The following STXBP5L variants were observed in gnomAD, a reference collection of about 807,000 sequenced individuals.
STXBP5L encodes the protein syntaxin binding protein 5L.
Under a neutral mutation model 144.5 loss-of-function variants are expected in STXBP5L, and 65 were observed. That is an observed-to-expected ratio of 0.45 (90% CI 0.37 to 0.55). The LOEUF (loss-of-function observed/expected upper bound fraction) is 0.55. Among genes scored for constraint, STXBP5L ranks in the 20% least tolerant of loss-of-function variants. The pLI is 0.00. For missense variants in STXBP5L, 1,298 were observed against 1,405.5 expected (o/e 0.92, Z 1.22); for synonymous variants, 505 against 469.6 (o/e 1.08, Z -0.97).
intron 5 of STXBP5L, among the ~76,000 whole-genome samples, chr3:121,051,785 TAATG>T: frequency 6.6e-6 from 1 of 151,846 alleles, no homozygotes; most frequent in African/African-American, 2.4e-5. Flanking sequence ...TTCAAAAAAT[TAATG>T]AAGCCAGGAG....
chr3:121,422,914 G>C lies in STXBP5L; in HGVS notation c.*3817G>C, dbSNP rs1469796579. ...CATGAAGGGATCACCATGACTTTGA[G>C]AGAAAAAAGAATCAGATTAGGCCTA... On this transcript the variant is annotated 3_prime_UTR_variant, in exon 27 of 27. Transcript: ENST00000471454. 1.3e-5 allele frequency: 2 copies of C among 151,918 alleles called. No individual in the cohort carries two copies. The highest frequency in any genetic ancestry group is 2.9e-5 in the Non-Finnish European group (2 of 67,974). The allele number at this position is 151,918 out of a possible 1,614,324, so 9.4% of individuals were successfully genotyped here.
chr3:120,949,316 T>C (rs538133729), intron 2 of STXBP5L, among the ~76,000 whole-genome samples: 1 of 152,154 alleles, frequency 6.6e-6, no homozygotes, highest in African/African-American at 2.4e-5. Context: ...TGGATATTAG[T>C]TGTTTCTCAG....
At chr3:121,065,309 A>G (rs999701167) in intron 5 of STXBP5L, among the ~76,000 whole-genome samples, 10 of 152,170 alleles carry the variant, frequency 6.6e-5, no homozygotes, top group African/African-American at 2.4e-4. Flanking sequence ...TCTTTGAGAA[A>G]TATTTGATAT....
intron 7 of STXBP5L, among the ~76,000 whole-genome samples, chr3:121,131,473 A>T (rs944601891): frequency 5.3e-5 from 8 of 152,154 alleles, no homozygotes; most frequent in Non-Finnish European, 8.8e-5. Context: ...GACTGTTCTT[A>T]AAAAAAGATT....
chr3:121,247,130 C>T (rs1307283914), intron 14 of STXBP5L, among the ~76,000 whole-genome samples: 1 of 152,134 alleles, frequency 6.6e-6, no homozygotes, highest in Non-Finnish European at 1.5e-5. Flanking sequence ...CAGTGACTAA[C>T]CCCCTCTCAA....
chr3:121,239,335 G>A (rs1463260334), intron 13 of STXBP5L, among the ~76,000 whole-genome samples: 8 of 144,770 alleles, frequency 5.5e-5, no homozygotes, highest in Non-Finnish European at 1.1e-4. Flanking sequence ...TTATACAGAA[G>A]GTATATAATT....
chr3:121,299,492 C>A (rs922875837), intron 19 of STXBP5L, among the ~76,000 whole-genome samples: 1 of 152,100 alleles, frequency 6.6e-6, no homozygotes, highest in African/African-American at 2.4e-5. Flanking sequence ...ATTGCTTTAA[C>A]AATATATTGC....
intron 5 of STXBP5L, among the ~76,000 whole-genome samples, chr3:121,073,177 G>C (rs2041877520): frequency 6.6e-6 from 1 of 152,134 alleles, no homozygotes; most frequent in Non-Finnish European, 1.5e-5. Flanking sequence ...CTCATCCACT[G>C]TTTCCACACA....
At chr3:121,011,205 G>A (rs769667978) in intron 3 of STXBP5L, among the ~76,000 whole-genome samples, 4 of 150,850 alleles carry the variant, frequency 2.7e-5, no homozygotes, top group Non-Finnish European at 5.9e-5. Context: ...GGCTGCAGGT[G>A]TACTTCCTAC....
At chr3:121,326,721 T>G (rs1414968322) in intron 20 of STXBP5L, among the ~76,000 whole-genome samples, 1 of 152,022 alleles carries the variant, frequency 6.6e-6, no homozygotes, top group Non-Finnish European at 1.5e-5. Flanking sequence ...TTCTTACACT[T>G]AATTGTGTGC....
intron 19 of STXBP5L, among the ~76,000 whole-genome samples, chr3:121,292,496 C>T (rs1370781229): frequency 1.3e-5 from 2 of 152,100 alleles, no homozygotes; most frequent in Non-Finnish European, 2.9e-5. Flanking sequence ...CCTTAAAGAA[C>T]CAAAAGTAGA....
chr3:121,212,761 G>A (rs933491253), intron 10 of STXBP5L, among the ~76,000 whole-genome samples: 3 of 152,168 alleles, frequency 2.0e-5, no homozygotes, highest in Non-Finnish European at 4.4e-5. Flanking sequence ...AAAGTCAATG[G>A]TAGCTTGAGG....
intron 11 of STXBP5L, among the ~76,000 whole-genome samples, chr3:121,223,580 T>G (rs1053210067): frequency 6.6e-6 from 1 of 152,188 alleles, no homozygotes; most frequent in Non-Finnish European, 1.5e-5. Flanking sequence ...CTGTTTCACA[T>G]CTGGCTTTGC....
chr3:120,992,371 C>T (rs1942985633), intron 3 of STXBP5L, among the ~76,000 whole-genome samples: 1 of 152,008 alleles, frequency 6.6e-6, no homozygotes, highest in Admixed American at 6.6e-5. Flanking sequence ...AATCACCCTA[C>T]TCTGCTATTG....
intron 23 of STXBP5L, among the ~76,000 whole-genome samples, chr3:121,412,106 A>G (rs2108749299): frequency 6.6e-6 from 1 of 152,260 alleles, no homozygotes; most frequent in Admixed American, 6.5e-5. Flanking sequence ...CAGGAACAGG[A>G]GTCAGCATAA....
At chr3:120,968,169 A>G (rs2107779614) in intron 3 of STXBP5L, among the ~76,000 whole-genome samples, 2 of 152,298 alleles carry the variant, frequency 1.3e-5, no homozygotes, top group Non-Finnish European at 2.9e-5. Flanking sequence ...TTTTCTGTTC[A>G]GATGATCTGT....
At chr3:121,392,776 T>C (rs1192939750) in intron 22 of STXBP5L, among the ~76,000 whole-genome samples, 1 of 42,618 alleles carries the variant, frequency 2.3e-5, no homozygotes. Flanking sequence ...ATGGCATATA[T>C]ATATATATAT....
At chr3:120,992,300 A>T (rs908330275) in intron 3 of STXBP5L, among the ~76,000 whole-genome samples, 3 of 152,142 alleles carry the variant, frequency 2.0e-5, no homozygotes, top group African/African-American at 7.2e-5. Context: ...ATATGTTGGG[A>T]ACATTTTAAG....
At chr3:120,983,086 C>T (rs1048618098) in intron 3 of STXBP5L, among the ~76,000 whole-genome samples, 2 of 152,170 alleles carry the variant, frequency 1.3e-5, no homozygotes, top group Admixed American at 6.5e-5. Context: ...TTCCATCTGA[C>T]AGCAGTGGTA....
Sources: allele counts gnomAD v4.1 joint callset (sites outside exome capture counted in the v4.1 genomes callset), GRCh38; gene constraint gnomAD v4.1.1; transcripts MANE v1.5; gene names NCBI Gene and HGNC (gene_info 2026-07-23, HGNC 2026-07-21).